ADAM9: variants seen among roughly 807,000 people sequenced by gnomAD.
ADAM9 encodes the protein disintegrin and metalloproteinase domain-containing protein 9.
A neutral mutation model predicts 108.1 loss-of-function variants in ADAM9; 54 were observed. The observed-to-expected ratio is 0.50, with a 90% CI of 0.40 to 0.63. ADAM9 has a LOEUF of 0.63. Among genes scored for constraint, ADAM9 ranks in the 20% least tolerant of loss-of-function variants. The pLI is 0.00. For missense variants in ADAM9, 830 were observed against 997.7 expected, an observed-to-expected ratio of 0.83 and a Z score of 2.26; for synonymous variants, 316 against 336.0, an observed-to-expected ratio of 0.94 and a Z score of 0.65.
chr8:39,002,779 A>G (rs115913553), intron 1 of ADAM9, among the ~76,000 whole-genome samples: 38 of 152,354 alleles, frequency 2.5e-4, no homozygotes, highest in African/African-American at 7.9e-4. Context: ...TTTCTTTAAG[A>G]TTAGACATGT....
intron 12 of ADAM9, among the ~76,000 whole-genome samples, chr8:39,048,861 G>A (rs1428043951): frequency 6.6e-6 from 1 of 151,574 alleles, no homozygotes; most frequent in Non-Finnish European, 1.5e-5. Context: ...CTGACATAGA[G>A]TCTCTTTTCT....
intron 11 of ADAM9, among the ~76,000 whole-genome samples, chr8:39,040,654 C>T (rs1387643745): frequency 6.6e-6 from 1 of 152,150 alleles, no homozygotes; most frequent in African/African-American, 2.4e-5. Flanking sequence ...AATCTGCAGA[C>T]TTTTCATTTT....
At chr8:39,030,286 A>G (rs1404809408) in intron 11 of ADAM9, among the ~76,000 whole-genome samples, 1 of 151,568 alleles carries the variant, frequency 6.6e-6, no homozygotes, top group Non-Finnish European at 1.5e-5. Context: ...CTTGGCAACC[A>G]CTAATCTTTT....
At chr8:39,033,529 CAT>C (rs1411576907) in intron 11 of ADAM9, among the ~76,000 whole-genome samples, 2 of 151,092 alleles carry the variant, frequency 1.3e-5, no homozygotes, top group African/African-American at 4.9e-5. Context: ...GCTTCTAAAA[CAT>C]ATTTAAATTT....
At chr8:39,102,672 A>G (rs1839736915) in intron 21 of ADAM9, among the ~76,000 whole-genome samples, 1 of 152,234 alleles carries the variant, frequency 6.6e-6, no homozygotes, top group Non-Finnish European at 1.5e-5. Flanking sequence ...ATAGAAACAG[A>G]CTGAGATGGT....
At chr8:39,023,972 CT>C (rs952933684) in intron 9 of ADAM9, among the ~76,000 whole-genome samples, 2 of 152,080 alleles carry the variant, frequency 1.3e-5, no homozygotes, top group Non-Finnish European at 1.5e-5. Flanking sequence ...TCTCGAACTC[CT>C]GACCTCAGGT....
intron 11 of ADAM9, among the ~76,000 whole-genome samples, chr8:39,035,092 A>G (rs927197906): frequency 2.6e-5 from 4 of 152,056 alleles, no homozygotes; most frequent in Non-Finnish European, 5.9e-5. Context: ...GTTAGACCTC[A>G]CTATGTCTCC....
At chr8:39,067,071 G>C (rs1470891568) in intron 14 of ADAM9, among the ~76,000 whole-genome samples, 1 of 152,122 alleles carries the variant, frequency 6.6e-6, no homozygotes, top group Non-Finnish European at 1.5e-5. Context: ...TAGATGTGTG[G>C]TATTATTTCT....
intron 12 of ADAM9, among the ~76,000 whole-genome samples, 165 bp downstream of exon 12, chr8:39,042,282 T>G (rs1030130339): frequency 1.3e-5 from 2 of 152,212 alleles, no homozygotes; most frequent in African/African-American, 4.8e-5. Context: ...ATTGGTCATC[T>G]CCTTCTTCTC....
intron 11 of ADAM9, among the ~76,000 whole-genome samples, chr8:39,037,941 C>A (rs1837337751): frequency 6.6e-6 from 1 of 152,168 alleles, no homozygotes; most frequent in Non-Finnish European, 1.5e-5. Context: ...CATAGTCTTC[C>A]CCATGTGAAT....
intron 20 of ADAM9, among the ~76,000 whole-genome samples, chr8:39,095,245 G>A (rs1839466286): frequency 1.3e-5 from 2 of 152,046 alleles, no homozygotes; most frequent in Non-Finnish European, 2.9e-5. Flanking sequence ...GGAAAAGTTG[G>A]CCCTCTGTAT....
intron 2 of ADAM9, 56 bp downstream of exon 2, chr8:39,008,039 A>G (rs2129432054): frequency 1.5e-6 from 2 of 1,312,280 alleles, no homozygotes; most frequent in Non-Finnish European, 1.1e-6. Flanking sequence ...TTTCTGTTTT[A>G]GCACAAAGGT....
chr8:39,064,045 A>C (rs912999724), intron 14 of ADAM9, among the ~76,000 whole-genome samples: 1 of 152,182 alleles, frequency 6.6e-6, no homozygotes, highest in African/African-American at 2.4e-5. Flanking sequence ...TTCTTTCCCT[A>C]CTTTGTCCAG....
At position 39,007,909 on chromosome 8, in the gene ADAM9, T is replaced by C; in HGVS notation, c.121T>C (p.Ser41Pro). 6.2e-7 allele frequency: 1 copy of C among 1,612,440 alleles called. No individual in the cohort carries two copies. The highest frequency in any genetic ancestry group is 1.3e-5 in the African/African-American group (1 of 75,036). ...RPGFQQTSHL[S>P]SYEIITPWRL... is the part of the protein sequence containing the mutation. ...AGGCTTTCAACAGACCTCACATCTT[T>C]CTTCTTATGAAATTATAACTCCTTG... Residue 41 changes from serine (S) to proline (P), a missense_variant, in exon 2 of 22, where the codon TCT (serine) becomes CCT (proline). Coordinates refer to ENST00000487273, the MANE Select transcript of ADAM9 (RefSeq NM_003816.3).
At chr8:39,018,624 A>G in intron 6 of ADAM9, 1 of 556,072 alleles carries the variant, frequency 1.8e-6, no homozygotes, top group South Asian at 2.2e-5. Context: ...TTCCCCTCAG[A>G]CATAGTTTAT....
rs1836564057 is a variant in ADAM9, at chr8:39,017,251, G to GGATT, written c.446_449dup (p.Glu150AspfsTer2). On this transcript the variant is annotated frameshift_variant, in exon 6 of 22. Coordinates refer to ENST00000487273, the MANE Select transcript of ADAM9 (RefSeq NM_003816.3). LOFTEE classifies it high-confidence loss of function. ...CTGCATTTAGAGAATGCGAGTTATG[G>GGATT]GATTGAACCCCTGCAGAACAGCTCT... 1 of 1,614,064 alleles carries GGATT rather than the reference G, an allele frequency of 6.2e-7. No individual in the cohort carries two copies. Among genetic ancestry groups the GGATT allele is most frequent in the East Asian group, 2.2e-5 (1 of 44,870 alleles).
intron 2 of ADAM9, 70 bp downstream of exon 2, chr8:39,008,053 AT>A: frequency 8.5e-7 from 1 of 1,175,736 alleles, no homozygotes. Flanking sequence ...CAAAGGTGTT[AT>A]TTGTAGCAGT....
chr8:39,100,238 C>T (rs1430771451), intron 20 of ADAM9, among the ~76,000 whole-genome samples: 1 of 151,678 alleles, frequency 6.6e-6, no homozygotes, highest in Non-Finnish European at 1.5e-5. Context: ...ACTTGTAATC[C>T]CAACACTTTG....
At chr8:39,064,742 T>A (rs527615680) in intron 14 of ADAM9, among the ~76,000 whole-genome samples, 1 of 152,324 alleles carries the variant, frequency 6.6e-6, no homozygotes, top group East Asian at 1.9e-4. Context: ...TTTCCTTAGA[T>A]AAGGTGAATT....
Sources: allele counts gnomAD v4.1 joint callset (sites outside exome capture counted in the v4.1 genomes callset), GRCh38; gene constraint gnomAD v4.1.1; transcripts MANE v1.5; gene names NCBI Gene and HGNC (gene_info 2026-07-23, HGNC 2026-07-21).